Variants in FOXP1 observed in about 807,000 individuals in gnomAD.
FOXP1 encodes the protein forkhead box protein P1.
A neutral mutation model predicts 98.2 loss-of-function variants in FOXP1; 15 were observed. The observed-to-expected ratio is 0.15, with a 90% CI of 0.10 to 0.24. The LOEUF (loss-of-function observed/expected upper bound fraction) is 0.24, where lower values mean the gene tolerates loss of function less well. Among genes scored for constraint, FOXP1 ranks in the 10% least tolerant of loss-of-function variants. The probability of loss-of-function intolerance (pLI) is 1.00; values close to 1 mark genes in which losing one functional copy is unlikely to be tolerated. For synonymous variants in FOXP1, 371 were observed against 314.5 expected (o/e 1.18, Z -1.90); for missense variants, 633 against 848.5 (o/e 0.75, Z 3.15).
Position 71,583,698 on chromosome 3 carries a change from TC to T in FOXP1, c.-575del. On this transcript the variant is annotated 5_prime_UTR_variant, in exon 1 of 21. Coordinates refer to ENST00000649528, the MANE Select transcript of FOXP1 (RefSeq NM_001349338.3). ...CGCACACACGCGCGCACACACGCAC[TC>T]CCGGGCGAGGGCCGGGCCGCCGCGA... The T allele has an allele frequency of 6.1e-6, 6 of 983,338 alleles. No individual in the cohort carries two copies. The highest frequency in any genetic ancestry group is 7.2e-6 in the Non-Finnish European group (6 of 829,150). 60.9% of individuals were successfully genotyped at this position (983,338 alleles called of 1,614,324 possible). A position where few individuals can be genotyped will look rare whatever the true frequency, so the allele number is the denominator to read the frequency against.
chr3:71,282,125 C>T (rs1288826), intron 5 of FOXP1, among the ~76,000 whole-genome samples: 9,133 of 151,814 alleles, frequency 0.06, 671 homozygotes, highest in African/African-American at 0.15. Context: ...TGTAACAAAG[C>T]TAAGTGAAGA....
chr3:71,076,485 G>A (rs1048330759), intron 7 of FOXP1, among the ~76,000 whole-genome samples: 2 of 152,192 alleles, frequency 1.3e-5, no homozygotes, highest in African/African-American at 4.8e-5. Flanking sequence ...CTCTGCCGTA[G>A]GGAGATGGGC....
chr3:71,439,120 G>C (rs1577516406), intron 3 of FOXP1, among the ~76,000 whole-genome samples: 1 of 152,324 alleles, frequency 6.6e-6, no homozygotes, highest in Non-Finnish European at 1.5e-5. Context: ...CAGGCAGTGA[G>C]GGTGCCAGGC....
chr3:71,194,973 A>G (rs902295308), intron 6 of FOXP1, among the ~76,000 whole-genome samples: 3 of 152,174 alleles, frequency 2.0e-5, no homozygotes, highest in South Asian at 2.1e-4. Flanking sequence ...CTTCCAGCCC[A>G]GAATCGCCAA....
chr3:71,278,100 T>A (rs1456252631), intron 5 of FOXP1, among the ~76,000 whole-genome samples: 1 of 152,114 alleles, frequency 6.6e-6, no homozygotes. Flanking sequence ...GCTGGCCCCC[T>A]CTCTGTGCCT....
At chr3:71,478,130 TC>T (rs780232276) in intron 3 of FOXP1, among the ~76,000 whole-genome samples, 17 of 152,212 alleles carry the variant, frequency 1.1e-4, no homozygotes, top group African/African-American at 1.7e-4. Context: ...TCTTCCAGAT[TC>T]CACATCTTCT....
intron 4 of FOXP1, among the ~76,000 whole-genome samples, chr3:71,319,601 C>G (rs2075279794): frequency 6.6e-6 from 1 of 152,182 alleles, no homozygotes; most frequent in Non-Finnish European, 1.5e-5. Context: ...AGCTGCTATA[C>G]TCCCTGTCTC....
chr3:71,419,889 G>A (rs903218554), intron 3 of FOXP1, among the ~76,000 whole-genome samples: 52 of 151,634 alleles, frequency 3.4e-4, no homozygotes, highest in Non-Finnish European at 6.5e-4. Flanking sequence ...ATCTCGGCTC[G>A]CTGCAACCTC....
chr3:71,396,735 A>G (rs1468340496), intron 3 of FOXP1, among the ~76,000 whole-genome samples: 1 of 138,242 alleles, frequency 7.2e-6, no homozygotes, highest in Non-Finnish European at 1.5e-5. Context: ...ACAGCAGAGC[A>G]TTAAACCAAG....
intron 7 of FOXP1, among the ~76,000 whole-genome samples, chr3:71,096,909 A>AG: frequency 6.6e-6 from 1 of 152,258 alleles, no homozygotes; most frequent in African/African-American, 2.4e-5. Context: ...CACCTATCTT[A>AG]ATGCACGGAT....
At chr3:71,291,521 T>A (rs894470283) in intron 5 of FOXP1, among the ~76,000 whole-genome samples, 3 of 152,114 alleles carry the variant, frequency 2.0e-5, no homozygotes, top group Admixed American at 6.5e-5. Context: ...ATGCCTGGCA[T>A]ACAGCAGGCA....
chr3:71,048,327 A>G (rs2049327505), intron 9 of FOXP1, among the ~76,000 whole-genome samples: 1 of 152,214 alleles, frequency 6.6e-6, no homozygotes, highest in South Asian at 2.1e-4. Context: ...CATGACCTTG[A>G]TCTGATACAT....
In FOXP1 at chr3:71,379,474, T is replaced by C. The variant is rs376173719; in HGVS notation, c.-167-20230A>G. 1.1e-4 allele frequency among the ~76,000 whole-genome samples: 17 copies of C among 152,076 alleles called. 1 individual carries two copies. Among genetic ancestry groups the C allele is most frequent in the Admixed American group, 9.8e-4 (15 of 15,266 alleles). On this transcript the variant is annotated intron_variant, in intron 3 of 20. Transcript: ENST00000649528. ...CCAGCTCAGTTATCTTAGGTAGAAG[T>C]AGGCAACTATAGGCAGCAAGAATTT...
At chr3:71,175,837 C>T (rs1283170590) in intron 6 of FOXP1, among the ~76,000 whole-genome samples, 4 of 152,198 alleles carry the variant, frequency 2.6e-5, no homozygotes, top group Admixed American at 6.5e-5. Flanking sequence ...TTTTATTTAT[C>T]GTGCTAAGCA....
At chr3:71,307,998 G>A (rs950215912) in intron 4 of FOXP1, among the ~76,000 whole-genome samples, 13 of 152,288 alleles carry the variant, frequency 8.5e-5, no homozygotes, top group Admixed American at 3.9e-4. Flanking sequence ...AAAGAGCGCC[G>A]GATTCGGGAG....
chr3:71,346,635 C>T (rs1463781135), intron 4 of FOXP1, among the ~76,000 whole-genome samples: 9 of 152,124 alleles, frequency 5.9e-5, no homozygotes, highest in Middle Eastern at 6.8e-3. Context: ...ACCACGGATG[C>T]GGGGTAAGAC....
At chr3:71,569,329 C>T (rs995020468) in intron 2 of FOXP1, among the ~76,000 whole-genome samples, 3 of 152,198 alleles carry the variant, frequency 2.0e-5, no homozygotes, top group African/African-American at 7.2e-5. Flanking sequence ...ACGTACAGCA[C>T]ACATATCCAC....
intron 3 of FOXP1, among the ~76,000 whole-genome samples, chr3:71,455,435 A>T (rs2087383735): frequency 6.6e-6 from 1 of 152,144 alleles, no homozygotes; most frequent in Admixed American, 6.5e-5. Flanking sequence ...GTCATTAAAC[A>T]CCCTTCCCTT....
intron 3 of FOXP1, among the ~76,000 whole-genome samples, chr3:71,492,822 G>A (rs1261464690): frequency 2.0e-5 from 3 of 152,124 alleles, no homozygotes; most frequent in East Asian, 1.9e-4. Flanking sequence ...TGAGGAACAG[G>A]ATGGATGGAA....
Sources: gnomAD v4.1 joint callset for allele counts (sites outside exome capture counted in the v4.1 genomes callset) on GRCh38, gnomAD v4.1.1 for gene constraint, MANE v1.5 for transcripts, NCBI Gene and HGNC (gene_info 2026-07-23, HGNC 2026-07-21) for gene names.